The following PGM5 variants were observed in gnomAD, a reference collection of about 807,000 sequenced individuals.
The protein encoded by PGM5 is phosphoglucomutase-like protein 5.
A neutral mutation model predicts 59.2 loss-of-function variants in PGM5; 23 were observed. That is an observed-to-expected ratio of 0.39 (90% CI 0.28 to 0.55). The LOEUF (loss-of-function observed/expected upper bound fraction) is 0.55, where lower values mean the gene tolerates loss of function less well. Ranked by LOEUF, PGM5 falls within the 20% of genes least tolerant of loss-of-function variation. PGM5 has a pLI of 0.66. For missense variants in PGM5, 574 were observed against 748.3 expected, an observed-to-expected ratio of 0.77 and a Z score of 2.72; for synonymous variants, 214 against 286.0, an observed-to-expected ratio of 0.75 and a Z score of 2.54.
At chr9:68,528,940 T>A (rs1248758733) in intron 10 of PGM5, among the ~76,000 whole-genome samples, 2 of 152,194 alleles carry the variant, frequency 1.3e-5, no homozygotes, top group Non-Finnish European at 2.9e-5. Context: ...CTCCTTCTCA[T>A]GTCCTTCAAC....
At chr9:68,435,914 A>G (rs1208623543) in intron 6 of PGM5, among the ~76,000 whole-genome samples, 1 of 152,224 alleles carries the variant, frequency 6.6e-6, no homozygotes, top group Non-Finnish European at 1.5e-5. Flanking sequence ...ATTCTACCTT[A>G]CAAAGTAGGT....
chr9:68,478,425 C>T (rs1824139479), intron 7 of PGM5, among the ~76,000 whole-genome samples: 1 of 152,196 alleles, frequency 6.6e-6, no homozygotes, highest in Non-Finnish European at 1.5e-5. Context: ...AGCTCAGATG[C>T]CATTGCCTCA....
intron 1 of PGM5, among the ~76,000 whole-genome samples, chr9:68,369,515 A>G (rs545934014): frequency 1.1e-3 from 173 of 152,118 alleles, no homozygotes; most frequent in African/African-American, 4.0e-3. Flanking sequence ...AGCACTTCCT[A>G]TGTACTGAAA....
chr9:68,388,331 A>G (rs1467890118), intron 4 of PGM5, among the ~76,000 whole-genome samples: 1 of 145,436 alleles, frequency 6.9e-6, no homozygotes, highest in East Asian at 2.0e-4. Flanking sequence ...CTTGCTTTTA[A>G]TCAAGTATGT....
intron 6 of PGM5, among the ~76,000 whole-genome samples, chr9:68,408,187 G>C (rs1394976697): frequency 6.6e-6 from 1 of 152,152 alleles, no homozygotes; most frequent in Non-Finnish European, 1.5e-5. Flanking sequence ...GAAGAAATGT[G>C]AAATGTGAGA....
At chr9:68,406,846 G>A (rs1431643020) in intron 6 of PGM5, among the ~76,000 whole-genome samples, 2 of 150,358 alleles carry the variant, frequency 1.3e-5, no homozygotes, top group East Asian at 2.0e-4. Context: ...ATTCTCATGA[G>A]TAGTCTCCCG....
chr9:68,393,190 G>A (rs1436626125), intron 6 of PGM5, among the ~76,000 whole-genome samples: 20 of 152,092 alleles, frequency 1.3e-4, no homozygotes, highest in Admixed American at 6.6e-4. Flanking sequence ...TGTGCCTGGT[G>A]GAAAGTTAGA....
At position 68,479,564 on chromosome 9, in the gene PGM5, G is replaced by A; in HGVS notation, c.1295+11G>A. Reference sequence around the variant, plus strand: ...CCACTACTATTGCAGGTGAGGAGAAGGGGAAGGGTCTCTGTATGGACCCTG... The same window carrying A: ...CCACTACTATTGCAGGTGAGGAGAAAGGGAAGGGTCTCTGTATGGACCCTG... On this transcript the variant is annotated intron_variant, in intron 8 of 10. Transcript: ENST00000396396. The A allele has an allele frequency of 6.2e-7, 1 of 1,613,320 alleles. No homozygotes were observed. Among genetic ancestry groups the A allele is most frequent in the Non-Finnish European group, 8.5e-7 (1 of 1,179,506 alleles).
chr9:68,458,387 G>C (rs1823810447), intron 6 of PGM5, among the ~76,000 whole-genome samples: 1 of 152,066 alleles, frequency 6.6e-6, no homozygotes, highest in African/African-American at 2.4e-5. Context: ...ATGGGGTTGG[G>C]GTCCACCTTT....
At chr9:68,498,562 C>T (rs1269914764) in intron 9 of PGM5, 1 of 152,196 alleles carries the variant, frequency 6.6e-6, no homozygotes, top group African/African-American at 2.4e-5. Flanking sequence ...TCAAAATCAT[C>T]TTTGGAGAAA....
intron 6 of PGM5, among the ~76,000 whole-genome samples, chr9:68,401,141 C>T (rs1822657070): frequency 6.6e-6 from 1 of 152,050 alleles, no homozygotes; most frequent in South Asian, 2.1e-4. Context: ...AAATTGTTAA[C>T]ACTTAAGACT....
chr9:68,481,512 G>C (rs78900310), intron 8 of PGM5, among the ~76,000 whole-genome samples: 1 of 152,110 alleles, frequency 6.6e-6, no homozygotes, highest in Non-Finnish European at 1.5e-5. Context: ...GTTCCAAAAC[G>C]TCCAACCTGA....
chr9:68,399,213 A>T (rs1204845634), intron 6 of PGM5: 1 of 152,084 alleles, frequency 6.6e-6, no homozygotes, highest in Non-Finnish European at 1.5e-5. Context: ...TTCCCTCAGC[A>T]ATGAACACTC....
chr9:68,432,479 G>T (rs1406220872), intron 6 of PGM5, among the ~76,000 whole-genome samples: 2 of 151,924 alleles, frequency 1.3e-5, no homozygotes, highest in African/African-American at 4.8e-5. Flanking sequence ...GAGATTACAG[G>T]CGTGAGCCAT....
chr9:68,450,512 G>A (rs782400489), intron 6 of PGM5, among the ~76,000 whole-genome samples: 3 of 152,230 alleles, frequency 2.0e-5, no homozygotes, highest in Admixed American at 6.5e-5. Flanking sequence ...GGGAAACACT[G>A]TCCAAGCTTG....
At chr9:68,456,132 A>G (rs1352488148) in intron 6 of PGM5, among the ~76,000 whole-genome samples, 2 of 152,086 alleles carry the variant, frequency 1.3e-5, no homozygotes, top group Admixed American at 1.3e-4. Flanking sequence ...GATACCAGAG[A>G]GGGGTTTGCT....
chr9:68,481,512 G>A (rs78900310), intron 8 of PGM5, among the ~76,000 whole-genome samples: 3,510 of 152,226 alleles, frequency 0.023, 56 homozygotes, highest in Non-Finnish European at 0.028. Context: ...GTTCCAAAAC[G>A]TCCAACCTGA....
chr9:68,481,564 G>A (rs564661021), intron 8 of PGM5, among the ~76,000 whole-genome samples: 2 of 152,158 alleles, frequency 1.3e-5, no homozygotes, highest in Non-Finnish European at 2.9e-5. Context: ...TAGTGAGATC[G>A]CTTTGAGTCA....
chr9:68,446,795 T>A (rs1280358181), intron 6 of PGM5, among the ~76,000 whole-genome samples: 2 of 152,234 alleles, frequency 1.3e-5, no homozygotes, highest in African/African-American at 4.8e-5. Context: ...TCATCAAGTG[T>A]GTGTTCTGTT....
Sources: gnomAD v4.1 joint callset for allele counts (sites outside exome capture counted in the v4.1 genomes callset) on GRCh38, gnomAD v4.1.1 for gene constraint, MANE v1.5 for transcripts, NCBI Gene and HGNC (gene_info 2026-07-23, HGNC 2026-07-21) for gene names.